Variants in UBP1 observed in about 807,000 individuals in gnomAD.
UBP1 encodes the protein upstream-binding protein 1.
A neutral mutation model predicts 76.1 loss-of-function variants in UBP1; 22 were observed. The observed-to-expected ratio is 0.29, with a 90% CI of 0.21 to 0.41. The LOEUF (loss-of-function observed/expected upper bound fraction) is 0.41. Ranked by LOEUF, UBP1 falls within the 10% of genes least tolerant of loss-of-function variation. The probability of loss-of-function intolerance (pLI) is 1.00; values close to 1 mark genes in which losing one functional copy is unlikely to be tolerated. For missense variants in UBP1, 436 were observed against 668.1 expected (o/e 0.65, Z 3.83); for synonymous variants, 224 against 237.1 (o/e 0.94, Z 0.51).
chr3:33,409,631 C>T, intron 5 of UBP1, 30 bp from the exon 6 acceptor site: 2 of 1,613,734 alleles, frequency 1.2e-6, no homozygotes, highest in Non-Finnish European at 1.7e-6. Context: ...GAAATGGATT[C>T]AAAGAACTTC....
chr3:33,411,555 G>A, intron 5 of UBP1, 26 bp downstream of exon 5: 1 of 1,595,472 alleles, frequency 6.3e-7, no homozygotes, highest in Non-Finnish European at 8.6e-7. Context: ...AGGTTAGTAA[G>A]CTTCTAATAA....
At chr3:33,429,856 C>T (rs1165621441) in intron 1 of UBP1, among the ~76,000 whole-genome samples, 1 of 152,192 alleles carries the variant, frequency 6.6e-6, no homozygotes, top group Non-Finnish European at 1.5e-5. Context: ...AGAGACTGCA[C>T]TGTACACCCT....
chr3:33,432,005 T>C (rs986145086), intron 1 of UBP1, among the ~76,000 whole-genome samples: 1 of 152,092 alleles, frequency 6.6e-6, no homozygotes, highest in African/African-American at 2.4e-5. Context: ...ATAAATTACA[T>C]GTATAGTCAA....
intron 15 of UBP1, 109 bp from the exon 16 acceptor site, chr3:33,390,477 C>A: frequency 8.7e-7 from 1 of 1,143,596 alleles, no homozygotes; most frequent in South Asian, 1.3e-5. Flanking sequence ...TCAGAGGTTA[C>A]CTTTAAATGA....
chr3:33,397,578 A>G (rs1449443136), intron 11 of UBP1: 1 of 152,524 alleles, frequency 6.6e-6, no homozygotes, highest in East Asian at 1.9e-4. Context: ...ACTTGCCTAA[A>G]GTCTGTAAGA....
At chr3:33,411,831 C>T (rs1360742261) in intron 4 of UBP1, 144 bp from the exon 5 acceptor site, 1 of 646,552 alleles carries the variant, frequency 1.5e-6, no homozygotes, top group African/African-American at 1.8e-5. Flanking sequence ...ACTTCTTCAA[C>T]ATCGAAACCC....
chr3:33,414,820 AC>A (rs1029787191), intron 3 of UBP1, among the ~76,000 whole-genome samples: 2 of 152,148 alleles, frequency 1.3e-5, no homozygotes, highest in Non-Finnish European at 2.9e-5. Context: ...TTAAAAATGA[AC>A]CCTTTTCAAT....
chr3:33,432,164 T>C (rs1409494033), intron 1 of UBP1, among the ~76,000 whole-genome samples: 1 of 151,672 alleles, frequency 6.6e-6, no homozygotes, highest in Non-Finnish European at 1.5e-5. Flanking sequence ...CTACAAAAAA[T>C]AGCAAAAAAA....
chr3:33,407,647 A>T (rs942877556), intron 8 of UBP1, among the ~76,000 whole-genome samples: 4 of 152,214 alleles, frequency 2.6e-5, no homozygotes, highest in African/African-American at 9.6e-5. Context: ...AGAAGCATTA[A>T]AACATTTTTA....
intron 9 of UBP1, 66 bp downstream of exon 9, chr3:33,402,735 A>G: frequency 8.5e-7 from 1 of 1,171,542 alleles, no homozygotes; most frequent in Non-Finnish European, 1.2e-6. Flanking sequence ...GTACATGGAG[A>G]GATGGGGAAA....
Position 33,411,665 on chromosome 3 carries a change from T to G in UBP1, c.471A>C (p.Ile157=). Residue 157 remains isoleucine, a synonymous_variant, in exon 5 of 16, where the codon ATA becomes ATC. Coordinates refer to ENST00000283629, the MANE Select transcript of UBP1 (RefSeq NM_014517.5). ...GGCTTGGATTCGTCCTTGTGTCAAT[T>G]ATTCCCACAGACATTGGAATATCTA... ...LDLDIPMSVG[I]IDTRTNPSQL... The G allele has an allele frequency of 6.2e-7, 1 of 1,614,114 alleles. No individual in the cohort carries two copies. Among genetic ancestry groups the G allele is most frequent in the East Asian group, 2.2e-5 (1 of 44,872 alleles).
chr3:33,401,893 C>T (rs2044242230), intron 9 of UBP1, among the ~76,000 whole-genome samples: 1 of 152,158 alleles, frequency 6.6e-6, no homozygotes, highest in Admixed American at 6.5e-5. Flanking sequence ...ACATGGTAAC[C>T]TACTGGTCCT....
chr3:33,401,095 C>T, intron 9 of UBP1, 79 bp from the exon 10 acceptor site: 2 of 1,351,440 alleles, frequency 1.5e-6, no homozygotes, highest in Non-Finnish European at 2.0e-6. Flanking sequence ...AAAGCTGTTG[C>T]ATTGTAACTA....
At chr3:33,398,809 T>C (rs759634164) in intron 11 of UBP1, among the ~76,000 whole-genome samples, 4 of 152,238 alleles carry the variant, frequency 2.6e-5, no homozygotes, top group African/African-American at 7.2e-5. Context: ...GCTTTTTCTA[T>C]GTGCTATGCT....
intron 1 of UBP1, among the ~76,000 whole-genome samples, chr3:33,437,886 T>A (rs2045227778): frequency 6.6e-6 from 1 of 151,642 alleles, no homozygotes; most frequent in African/African-American, 2.4e-5. Flanking sequence ...GGCCTTGAAT[T>A]TGCAAGAGGC....
At chr3:33,427,085 C>T (rs770310490) in intron 1 of UBP1, among the ~76,000 whole-genome samples, 12 of 152,130 alleles carry the variant, frequency 7.9e-5, no homozygotes, top group South Asian at 2.1e-4. Context: ...CTCATGCTTC[C>T]GCCTCCCAAG....
At chr3:33,438,788 G>A (rs75349211) in intron 1 of UBP1, among the ~76,000 whole-genome samples, 2,487 of 152,144 alleles carry the variant, frequency 0.016, 33 homozygotes, top group Non-Finnish European at 0.028. Flanking sequence ...TAACCCAGAA[G>A]TCCTCCTCTA....
chr3:33,400,417 T>C, intron 10 of UBP1, 135 bp from the exon 11 acceptor site: 1 of 587,156 alleles, frequency 1.7e-6, no homozygotes, highest in Non-Finnish European at 2.9e-6. Flanking sequence ...GCAACCCAAA[T>C]GATGCAGGCC....
In UBP1 at chr3:33,393,377, G is replaced by T; in HGVS notation, c.1468C>A (p.Leu490Ile). 1 of 1,613,294 alleles carries T rather than the reference G, an allele frequency of 6.2e-7. No individual in the cohort carries two copies. Among genetic ancestry groups the T allele is most frequent in the East Asian group, 2.2e-5 (1 of 44,846 alleles). Residue 490 changes from leucine to isoleucine, a missense_variant, in exon 14 of 16, where the codon CTC (leucine) becomes ATC (isoleucine). By Grantham distance (5) the Leu-to-Ile change is conservative. This residue lies in a region of UBP1 where 210 missense variants were observed against 272.8 expected (regional missense o/e 0.77). Transcript: ENST00000283629. ...CTGTAAACCTGATTAATTTGGTGGA[G>T]AGGGATATTAAACACCAGCGCAAGT... is the stretch of plus-strand genomic sequence containing the variant. ...RKLALVFNIP[L>I]HQINQVYRQG...
Sources: gnomAD v4.1 joint callset for allele counts (sites outside exome capture counted in the v4.1 genomes callset) on GRCh38, gnomAD v4.1.1 for gene constraint, gnomAD v4.1.1 regional missense constraint, MANE v1.5 for transcripts, NCBI Gene and HGNC (gene_info 2026-07-23, HGNC 2026-07-21) for gene names.